The following PRKG1 variants were observed in gnomAD, a reference collection of about 807,000 sequenced individuals.
PRKG1 encodes protein kinase cGMP-dependent 1.
PRKG1 carries 35 observed loss-of-function variants against 88.1 expected under a neutral mutation model. The observed-to-expected ratio is 0.40, with a 90% CI of 0.30 to 0.53. The LOEUF is 0.53. Ranked by LOEUF, PRKG1 falls within the 20% of genes least tolerant of loss-of-function variation. The pLI is 0.59. For missense variants in PRKG1, 540 were observed against 839.8 expected, an observed-to-expected ratio of 0.64 and a Z score of 4.41; for synonymous variants, 303 against 292.5, an observed-to-expected ratio of 1.04 and a Z score of -0.37.
chr10:51,958,583 AT>A (rs201531189), intron 5 of PRKG1, among the ~76,000 whole-genome samples: 8,776 of 99,546 alleles, frequency 0.088, 301 homozygotes, highest in East Asian at 0.27. Context: ...TCTACAGAGT[AT>A]TTTTTTTTTT....
chr10:51,921,522 T>C (rs570623986), intron 5 of PRKG1, among the ~76,000 whole-genome samples: 128 of 152,236 alleles, frequency 8.4e-4, no homozygotes, highest in African/African-American at 3.0e-3. Context: ...AGTTTCTCAC[T>C]GTTAAGTATG....
chr10:51,618,855 G>A (rs1009208211), intron 3 of PRKG1, among the ~76,000 whole-genome samples: 3 of 151,482 alleles, frequency 2.0e-5, no homozygotes, highest in African/African-American at 2.4e-5. Flanking sequence ...TGCAACTTCC[G>A]CCTCCTGGGT....
chr10:51,994,954 T>A (rs879575158), intron 5 of PRKG1, among the ~76,000 whole-genome samples: 9 of 152,228 alleles, frequency 5.9e-5, no homozygotes, highest in Non-Finnish European at 1.0e-4. Context: ...TTTTTATGAA[T>A]ACTTAGTATA....
chr10:51,246,641 T>C (rs1832692672), intron 2 of PRKG1, among the ~76,000 whole-genome samples: 1 of 151,818 alleles, frequency 6.6e-6, no homozygotes, highest in South Asian at 2.1e-4. Flanking sequence ...AGGTGATTTA[T>C]CTATCATTTT....
chr10:51,999,310 G>A (rs532648936), intron 5 of PRKG1, among the ~76,000 whole-genome samples: 3 of 152,150 alleles, frequency 2.0e-5, no homozygotes, highest in African/African-American at 7.2e-5. Flanking sequence ...GGACATGCCC[G>A]GAAGGGATGC....
chr10:51,376,022 T>A (rs993336822), intron 2 of PRKG1, among the ~76,000 whole-genome samples: 1 of 152,210 alleles, frequency 6.6e-6, no homozygotes, highest in African/African-American at 2.4e-5. Flanking sequence ...GTAGAAATTG[T>A]TGCAGAAAAT....
intron 1 of PRKG1, among the ~76,000 whole-genome samples, chr10:51,107,852 C>A (rs1006532122): frequency 1.4e-4 from 21 of 148,258 alleles, no homozygotes; most frequent in African/African-American, 5.2e-4. Flanking sequence ...ACTTTATAAC[C>A]AGACTTAATC....
intron 1 of PRKG1, among the ~76,000 whole-genome samples, chr10:51,057,610 T>C (rs1843642101): frequency 6.6e-6 from 1 of 152,172 alleles, no homozygotes; most frequent in Non-Finnish European, 1.5e-5. Flanking sequence ...TCACCATTAA[T>C]TTTTTGCCCA....
intron 2 of PRKG1, among the ~76,000 whole-genome samples, chr10:51,414,629 A>G (rs2132694492): frequency 6.6e-6 from 1 of 152,350 alleles, no homozygotes; most frequent in Non-Finnish European, 1.5e-5. Context: ...TGTGGTTACA[A>G]AAATCAGCTT....
intron 1 of PRKG1, among the ~76,000 whole-genome samples, chr10:51,088,767 G>A (rs1433138960): frequency 6.6e-6 from 1 of 150,830 alleles, no homozygotes; most frequent in African/African-American, 2.4e-5. Flanking sequence ...TTACATCCTT[G>A]GAGCCCAGAA....
chr10:51,867,374 G>A (rs1290500348), intron 4 of PRKG1, among the ~76,000 whole-genome samples: 1 of 152,140 alleles, frequency 6.6e-6, no homozygotes, highest in African/African-American at 2.4e-5. Context: ...GATGTGGTTG[G>A]ATGTGTATTT....
chr10:51,016,244 A>G (rs1843057684), intron 1 of PRKG1, among the ~76,000 whole-genome samples: 1 of 152,216 alleles, frequency 6.6e-6, no homozygotes, highest in Non-Finnish European at 1.5e-5. Context: ...GTCAAGCATT[A>G]AAACATCAAG....
rs557064383 is a variant in PRKG1, at chr10:52,062,749, T to C, written c.935+118T>C. 2.5e-5 allele frequency: 19 copies of C among 766,514 alleles called. No individual in the cohort carries two copies. The African/African-American group carries it at 2.6e-4, about 10-fold the overall frequency. 47.5% of individuals were successfully genotyped at this position (766,514 alleles called of 1,614,324 possible). A position where few individuals can be genotyped will look rare whatever the true frequency, so the allele number is the denominator to read the frequency against. On this transcript the variant is annotated intron_variant, in intron 7 of 17. Transcript: ENST00000373980. ...TTAGTGCTTATCTCAATATCAAATATGGACCCTTGATGATAAATACATTTT... is the reference window on the plus strand; with the variant it reads ...TTAGTGCTTATCTCAATATCAAATACGGACCCTTGATGATAAATACATTTT...
intron 7 of PRKG1, among the ~76,000 whole-genome samples, chr10:52,100,785 T>C (rs1346483773): frequency 6.6e-6 from 1 of 152,238 alleles, no homozygotes; most frequent in Admixed American, 6.5e-5. Context: ...TTCATTTTAT[T>C]TTTTCCAACC....
At chr10:51,172,600 CTATG>C (rs34401585) in intron 2 of PRKG1, among the ~76,000 whole-genome samples, 2,711 of 141,502 alleles carry the variant, frequency 0.019, 34 homozygotes, top group East Asian at 0.042. Context: ...CTATGTCTGT[CTATG>C]TATGTATGTA....
chr10:51,153,084 A>C, intron 1 of PRKG1, 80 bp from the exon 2 acceptor site: 1 of 1,219,408 alleles, frequency 8.2e-7, no homozygotes, highest in East Asian at 2.6e-5. Flanking sequence ...GTGCCAGAGC[A>C]CTCTATGGCG....
At chr10:51,059,221 A>C (rs1299689459) in intron 1 of PRKG1, among the ~76,000 whole-genome samples, 1 of 152,102 alleles carries the variant, frequency 6.6e-6, no homozygotes. Context: ...CTCAATTATA[A>C]TGTTGAATGA....
intron 2 of PRKG1, among the ~76,000 whole-genome samples, chr10:51,197,554 G>A (rs1186273687): frequency 6.6e-6 from 1 of 152,002 alleles, no homozygotes; most frequent in Non-Finnish European, 1.5e-5. Context: ...GATTACAGAT[G>A]TAAGCCACTG....
intron 4 of PRKG1, among the ~76,000 whole-genome samples, chr10:51,829,868 C>A (rs908261372): frequency 1.3e-5 from 2 of 152,154 alleles, no homozygotes; most frequent in African/African-American, 4.8e-5. Context: ...CTTGTTCCAA[C>A]AAGGCCAGGG....
Sources: gnomAD v4.1 joint callset for allele counts (sites outside exome capture counted in the v4.1 genomes callset) on GRCh38, gnomAD v4.1.1 for gene constraint, MANE v1.5 for transcripts, NCBI Gene and HGNC (gene_info 2026-07-23, HGNC 2026-07-21) for gene names.